Variants in SLC15A5 observed in about 807,000 individuals in gnomAD.
The protein encoded by SLC15A5 is Peptide/histidine transporter ENSP00000340402.
In SLC15A5, 58 loss-of-function variants were observed where a neutral mutation model predicts 56.1. The ratio of observed to expected loss-of-function variants is 1.03; its 90% CI spans 0.84 to 1.29. The LOEUF (loss-of-function observed/expected upper bound fraction) is 1.29. Among genes scored for constraint, SLC15A5 ranks in the 50% most tolerant of loss-of-function variants. The pLI is 0.00. For synonymous variants in SLC15A5, 264 were observed against 250.5 expected (o/e 1.05, Z -0.51); for missense variants, 681 against 672.1 (o/e 1.01, Z -0.15).
chr12:16,229,174 T>G (rs1421075250), intron 5 of SLC15A5, among the ~76,000 whole-genome samples: 1 of 152,198 alleles, frequency 6.6e-6, no homozygotes, highest in Non-Finnish European at 1.5e-5. Context: ...ATATTACTCT[T>G]CAGCTTAATT....
intron 8 of SLC15A5, among the ~76,000 whole-genome samples, chr12:16,191,677 C>T (rs907075084): frequency 2.0e-5 from 3 of 152,070 alleles, no homozygotes; most frequent in Non-Finnish European, 4.4e-5. Context: ...TCATGCGCTC[C>T]TCACTGCAGA....
intron 7 of SLC15A5, among the ~76,000 whole-genome samples, chr12:16,199,816 C>T (rs1286861843): frequency 6.6e-6 from 1 of 151,946 alleles, no homozygotes; most frequent in Non-Finnish European, 1.5e-5. Flanking sequence ...GCAGTGCAAC[C>T]TGCCTGACCA....
chr12:16,239,682 G>A lies in SLC15A5; in HGVS notation c.1161C>T (p.Ile387=). ...KRVGSFLSTC[I]IAGNLFAALS... is the part of the protein sequence containing the mutation. Reference sequence around the variant, plus strand: ...ATGAAATGGTTAAATTGTACTTACTGATGCATGTTGACAGAAATGATCCAA... The same window carrying A: ...ATGAAATGGTTAAATTGTACTTACTAATGCATGTTGACAGAAATGATCCAA... The change falls in exon 5 of 9, where the codon ATC becomes ATT. Residue 387 remains isoleucine (I), a splice_region_variant and synonymous_variant. Transcript: ENST00000344941. The A allele has an allele frequency of 6.5e-7, 1 of 1,535,986 alleles. No individual in the cohort carries two copies. Among genetic ancestry groups the A allele is most frequent in the East Asian group, 2.4e-5 (1 of 40,908 alleles).
Position 16,194,334 on chromosome 12 carries a change from CACTT to C in SLC15A5, c.1592+7_1592+10del. Reference sequence around the variant, plus strand: ...CTCAGAAATTTTTCATCTTACCACACACTTACTTACCTTTGTGAAACACTGCAGA... The same window carrying C: ...CTCAGAAATTTTTCATCTTACCACACACTTACCTTTGTGAAACACTGCAGA... On this transcript the variant is annotated splice_region_variant and intron_variant, in intron 8 of 8. Coordinates refer to ENST00000344941, the MANE Select transcript of SLC15A5 (RefSeq NM_001170798.1). The C allele has an allele frequency of 6.6e-7, 1 of 1,506,334 alleles. No individual in the cohort carries two copies. The highest frequency in any genetic ancestry group is 8.9e-7 in the Non-Finnish European group (1 of 1,122,246). The allele number at this position is 1,506,334 out of a possible 1,614,324, so 93.3% of individuals were successfully genotyped here.
chr12:16,263,952 A>T (rs1283806158), intron 2 of SLC15A5, among the ~76,000 whole-genome samples: 1 of 152,230 alleles, frequency 6.6e-6, no homozygotes, highest in Non-Finnish European at 1.5e-5. Context: ...CCTCTTGGAC[A>T]ACCTCTGCTG....
chr12:16,198,779 A>G (rs1414584358), intron 7 of SLC15A5, among the ~76,000 whole-genome samples: 1 of 152,140 alleles, frequency 6.6e-6, no homozygotes, highest in Non-Finnish European at 1.5e-5. Flanking sequence ...TGAGAAACAT[A>G]TATCGTGATA....
chr12:16,199,609 A>C (rs1193613642), intron 7 of SLC15A5, among the ~76,000 whole-genome samples: 1 of 152,152 alleles, frequency 6.6e-6, no homozygotes, highest in Non-Finnish European at 1.5e-5. Context: ...CTCCCATGGA[A>C]TCACAGGACA....
rs1162370497 is a variant in SLC15A5, at chr12:16,269,155, C to A, written c.584+3406G>T. On this transcript the variant is annotated intron_variant, in intron 2 of 8. Coordinates refer to ENST00000344941, the MANE Select transcript of SLC15A5 (RefSeq NM_001170798.1). This position sits in a 1 kb window ranked among gnomAD's most constrained non-coding sequence, Gnocchi z 4.7. ...CTACTATTTATAAGCCAGCCAATCTCTGCTGATTTGTTATTGCAGCCTGAA... is the reference window on the plus strand; with the variant it reads ...CTACTATTTATAAGCCAGCCAATCTATGCTGATTTGTTATTGCAGCCTGAA... Among the ~76,000 whole-genome samples, 1 of 152,210 alleles carries A rather than the reference C, an allele frequency of 6.6e-6. No individual in the cohort carries two copies. The highest frequency in any genetic ancestry group is 1.5e-5 in the Non-Finnish European group (1 of 68,040).
At chr12:16,257,264 A>G (rs1389483378) in intron 3 of SLC15A5, among the ~76,000 whole-genome samples, 2 of 152,182 alleles carry the variant, frequency 1.3e-5, no homozygotes, top group Non-Finnish European at 2.9e-5. Context: ...AAGAAATGCT[A>G]TAATATTTAG....
intron 5 of SLC15A5, among the ~76,000 whole-genome samples, chr12:16,227,034 T>A (rs1422397461): frequency 2.0e-5 from 3 of 152,118 alleles, no homozygotes; most frequent in African/African-American, 7.2e-5. Flanking sequence ...ATTTTTTTGA[T>A]TATATCTCAG....
chr12:16,191,267 G>A (rs944466237), intron 8 of SLC15A5, among the ~76,000 whole-genome samples: 1 of 151,850 alleles, frequency 6.6e-6, no homozygotes, highest in Non-Finnish European at 1.5e-5. Flanking sequence ...AGATTGGTTT[G>A]GTTCTAGGAC....
chr12:16,234,688 G>A (rs1864330158), intron 5 of SLC15A5, among the ~76,000 whole-genome samples: 1 of 152,148 alleles, frequency 6.6e-6, no homozygotes, highest in African/African-American at 2.4e-5. Context: ...GTCCACAAGA[G>A]TCTTGAAGTT....
intron 1 of SLC15A5, among the ~76,000 whole-genome samples, chr12:16,273,635 G>A (rs544562696): frequency 6.6e-6 from 1 of 151,654 alleles, no homozygotes; most frequent in Non-Finnish European, 1.5e-5. Context: ...TTTTTTTAAA[G>A]AAATAAGTTC....
At chr12:16,253,984 C>T (rs1864544289) in intron 3 of SLC15A5, among the ~76,000 whole-genome samples, 1 of 151,922 alleles carries the variant, frequency 6.6e-6, no homozygotes, top group Admixed American at 6.6e-5. Context: ...ATTTACATAC[C>T]CTCATTCATC....
intron 8 of SLC15A5, among the ~76,000 whole-genome samples, chr12:16,190,230 A>T (rs1010632582): frequency 3.3e-5 from 5 of 152,158 alleles, no homozygotes; most frequent in African/African-American, 4.8e-5. Flanking sequence ...TATTTCTAGA[A>T]TGTGCACTCT....
intron 2 of SLC15A5, 77 bp downstream of exon 2, chr12:16,272,484 A>G (rs1864769930): frequency 3.0e-6 from 4 of 1,344,184 alleles, no homozygotes; most frequent in East Asian, 2.5e-5. Flanking sequence ...CTGAGCAACT[A>G]CTACCCAAAT....
intron 4 of SLC15A5, among the ~76,000 whole-genome samples, chr12:16,244,042 G>T (rs759361186): frequency 9.2e-5 from 14 of 152,074 alleles, no homozygotes; most frequent in Non-Finnish European, 2.1e-4. Context: ...AGGTACTTTG[G>T]GCTTTGTATT....
At position 16,196,945 on chromosome 12, in the gene SLC15A5, A is replaced by G. The variant is rs138234025; in HGVS notation, c.1484-2492T>C. ...TCTCATCACTGGGGATGCTGTGGAA[A>G]ACAGAAATGACAAGTACTATGACTT... On this transcript the variant is annotated intron_variant, in intron 7 of 8. Coordinates refer to ENST00000344941, the MANE Select transcript of SLC15A5 (RefSeq NM_001170798.1). This position sits in a 1 kb window ranked among gnomAD's most constrained non-coding sequence, Gnocchi z 4.0. Among the ~76,000 whole-genome samples, 225 of 152,192 alleles carry G rather than the reference A, an allele frequency of 1.5e-3. 6 individuals carry two copies. In the East Asian group the frequency reaches 0.028, roughly 19 times the overall value.
At chr12:16,218,118 A>AT (rs1223425588) in intron 6 of SLC15A5, among the ~76,000 whole-genome samples, 20 of 152,276 alleles carry the variant, frequency 1.3e-4, no homozygotes, top group Middle Eastern at 3.4e-3. Context: ...AAAGATGTGA[A>AT]TGAGAGTAGA....
Sources: allele counts gnomAD v4.1 joint callset (sites outside exome capture counted in the v4.1 genomes callset), GRCh38; gene constraint gnomAD v4.1.1; non-coding constraint Gnocchi (gnomAD v3.1); transcripts MANE v1.5; gene names NCBI Gene and HGNC (gene_info 2026-07-23, HGNC 2026-07-21).